TUBGCP2: variants seen among roughly 807,000 people sequenced by gnomAD.
The protein encoded by TUBGCP2 is tubulin gamma complex component 2.
In TUBGCP2, 55 loss-of-function variants were observed where a neutral mutation model predicts 92.2. The observed-to-expected ratio is 0.60, with a 90% CI of 0.48 to 0.75. The LOEUF (loss-of-function observed/expected upper bound fraction) is 0.75, where lower values mean the gene tolerates loss of function less well. Ranked by LOEUF, TUBGCP2 falls within the 30% of genes least tolerant of loss-of-function variation. TUBGCP2 has a pLI of 0.00. For synonymous variants in TUBGCP2, 533 were observed against 505.2 expected (o/e 1.06, Z -0.74); for missense variants, 1,093 against 1,188.9 (o/e 0.92, Z 1.19).
chr10:133,311,511 T>A (rs181536358), upstream of TUBGCP2: 5 of 534,436 alleles, frequency 9.4e-6, no homozygotes, highest in Admixed American at 1.8e-4. Context: ...AGATGCAGAC[T>A]CTATTATATA....
chr10:133,283,287 C>G, intron 14 of TUBGCP2, 66 bp from the exon 15 acceptor site: 1 of 1,604,546 alleles, frequency 6.2e-7, no homozygotes, highest in Non-Finnish European at 8.5e-7. Context: ...TGCATGCGCA[C>G]GTGCTCAGTT....
At chr10:133,302,711 CA>C in intron 2 of TUBGCP2, 80 bp downstream of exon 2, 1 of 1,572,522 alleles carries the variant, frequency 6.4e-7, no homozygotes, top group East Asian at 2.3e-5. Flanking sequence ...CACCCTGACC[CA>C]GGGGTGGGCT....
chr10:133,289,193 T>C (rs111695268), intron 9 of TUBGCP2, among the ~76,000 whole-genome samples, 173 bp from the exon 10 acceptor site: 53 of 152,318 alleles, frequency 3.5e-4, no homozygotes, highest in African/African-American at 1.2e-3. Context: ...GAAACTGGGC[T>C]GCATGAGGCG....
In TUBGCP2 at chr10:133,285,169, T is replaced by C. The variant is rs754169633; in HGVS notation, c.1940A>G (p.Tyr647Cys). ...RYQMLFRHMF[Y>C]CKHVERQLCS... ...GAGCTGCCGCTCCACGTGCTTGCAGTAGAACATGTGCCTGAAGAGCATCTG... is the reference window on the plus strand; with the variant it reads ...GAGCTGCCGCTCCACGTGCTTGCAGCAGAACATGTGCCTGAAGAGCATCTG... The change falls in exon 13 of 18, where the codon TAC becomes TGC. Residue 647 changes from tyrosine to cysteine, a missense_variant. By Grantham distance (194) the Tyr-to-Cys change is radical. This residue lies in a region of TUBGCP2 where 598 missense variants were observed against 675.5 expected (regional missense o/e 0.89). Coordinates refer to ENST00000252936, the MANE Select transcript of TUBGCP2 (RefSeq NM_006659.4). The surrounding 1 kb of genome is among the most constrained non-coding windows in gnomAD (Gnocchi z 6.8). 1.9e-6 allele frequency: 3 copies of C among 1,613,468 alleles called. No individual in the cohort carries two copies. The highest frequency in any genetic ancestry group is 3.3e-5 in the Admixed American group (2 of 60,028).
intron 1 of TUBGCP2, among the ~76,000 whole-genome samples, chr10:133,307,120 C>A (rs1416189961): frequency 2.0e-5 from 3 of 152,258 alleles, no homozygotes; most frequent in Admixed American, 2.0e-4. Flanking sequence ...AAACACAGCT[C>A]TGAGGAACAT....
In TUBGCP2 at chr10:133,282,523, G is replaced by T. The variant is rs1847009842; in HGVS notation, c.2290-181C>A. 2.6e-5 allele frequency among the ~76,000 whole-genome samples: 4 copies of T among 152,328 alleles called. 1 individual carries two copies. The South Asian group carries it at 8.3e-4, about 32-fold the overall frequency. On this transcript the variant is annotated intron_variant, in intron 15 of 17. Coordinates refer to ENST00000252936, the MANE Select transcript of TUBGCP2 (RefSeq NM_006659.4). ...TTATCTGTGCCGACAGAATTCCCAGGTCTACCTTCCACGGTGACCAGCTGA... is the reference window on the plus strand; with the variant it reads ...TTATCTGTGCCGACAGAATTCCCAGTTCTACCTTCCACGGTGACCAGCTGA...
chr10:133,280,319 A>AC (rs1846935362), intron 17 of TUBGCP2, among the ~76,000 whole-genome samples: 1 of 152,192 alleles, frequency 6.6e-6, no homozygotes, highest in African/African-American at 2.4e-5. Context: ...GGCTTGGAGA[A>AC]CCAAGCAGTG....
At chr10:133,283,783 T>TCCCTGCCTCTCCCCTCG (rs1248078671) in intron 14 of TUBGCP2, 99 bp downstream of exon 14, 3 of 1,465,198 alleles carry the variant, frequency 2.0e-6, no homozygotes, top group Non-Finnish European at 1.9e-6. Context: ...TCTCCTGCAC[T>TCCCTGCCTCTCCCCTCG]CCCTGCCTCT....
Position 133,288,826 on chromosome 10 carries a change from G to A in TUBGCP2, c.1541+14C>T, listed in dbSNP as rs1847200570. 3.8e-6 allele frequency: 6 copies of A among 1,596,452 alleles called. No homozygotes were observed. In the Admixed American group the frequency reaches 1.0e-4, roughly 28 times the overall value. On this transcript the variant is annotated intron_variant, in intron 10 of 17. Transcript: ENST00000252936. ...GGAGGTGAGTGCCCGCACAGGGACA[G>A]GGCACGGAATCACCTGAGGTGAGCC...
Position 133,300,165 on chromosome 10 carries a change from T to TA in TUBGCP2, c.151-53dup, listed in dbSNP as rs113322932. 1.3e-3 allele frequency: 1,998 copies of TA among 1,561,970 alleles called. 5 individuals are homozygous for TA. In the African/African-American group the frequency reaches 0.014, roughly 11 times the overall value. On this transcript the variant is annotated intron_variant, in intron 2 of 17. Transcript: ENST00000252936. Reference sequence around the variant, plus strand: ...AATGACGGTAATTAATAAAGCACTGTAAAAAAAAACCTTTACGAAAATTGA... The same window carrying TA: ...AATGACGGTAATTAATAAAGCACTGTAAAAAAAAAACCTTTACGAAAATTGA...
intron 1 of TUBGCP2, 38 bp downstream of exon 1, chr10:133,308,785 C>A: frequency 2.2e-6 from 1 of 460,232 alleles, no homozygotes; most frequent in Non-Finnish European, 3.4e-6. Context: ...CCCCCAACCC[C>A]CTCATCACGC....
chr10:133,309,313 A>G, upstream of TUBGCP2: 1 of 1,521,780 alleles, frequency 6.6e-7, no homozygotes, highest in Non-Finnish European at 8.9e-7. Flanking sequence ...GACTGGGGCC[A>G]CGGGTGTGGG....
upstream of TUBGCP2, chr10:133,310,163 G>C (rs139953339): frequency 6.2e-7 from 1 of 1,613,900 alleles, no homozygotes; most frequent in African/African-American, 1.3e-5. Context: ...CTCCATTTCA[G>C]TATCAGTGCT....
Position 133,285,756 on chromosome 10 carries a change from T to C in TUBGCP2, c.1723-128A>G, listed in dbSNP as rs1387622953. 30 of 912,892 alleles carry C rather than the reference T, an allele frequency of 3.3e-5. No homozygotes were observed. In the East Asian group the frequency reaches 6.1e-4, roughly 19 times the overall value. 56.5% of individuals were successfully genotyped at this position (912,892 alleles called of 1,614,324 possible). On this transcript the variant is annotated intron_variant, in intron 11 of 17. Transcript: ENST00000252936. This position sits in a 1 kb window ranked among gnomAD's most constrained non-coding sequence, Gnocchi z 6.8. ...GTTCCCTACATTCCGATTCTAAATA[T>C]CAGAGGCTTTTCAAAAACCCAAACA...
chr10:133,303,089 A>ACCTGGCCTG (rs1211630083), intron 1 of TUBGCP2, 109 bp from the exon 2 acceptor site: 4 of 1,029,070 alleles, frequency 3.9e-6, no homozygotes, highest in Non-Finnish European at 5.6e-6. Context: ...CCAAGTTATC[A>ACCTGGCCTG]CCTGGCCTGC....
At chr10:133,294,617 T>C (rs528299503) in intron 5 of TUBGCP2, among the ~76,000 whole-genome samples, 8 of 152,158 alleles carry the variant, frequency 5.3e-5, no homozygotes, top group African/African-American at 1.9e-4. Flanking sequence ...GTTTTTTTTT[T>C]TTCCTTTTTT....
intron 9 of TUBGCP2, 63 bp from the exon 10 acceptor site, chr10:133,289,083 T>C (rs1564937488): frequency 6.4e-7 from 1 of 1,557,040 alleles, no homozygotes. Context: ...CCAGCTGTCT[T>C]TGTCTACACA....
At chr10:133,309,572 G>T, upstream of TUBGCP2, 2 of 1,355,994 alleles carry the variant, frequency 1.5e-6, no homozygotes, top group Non-Finnish European at 2.0e-6. Context: ...CCGCCCCACC[G>T]AGGCGCTGTG....
rs1228464939 is a variant in TUBGCP2 at position 133,308,837 on chromosome 10, C to T, written c.-54G>A. ...CCAGGACTCACCGCAGTCCCGGAGC[C>T]ACAGCCCCCGCGCAGCCCCCGACGG... is the stretch of plus-strand genomic sequence containing the variant. On this transcript the variant is annotated 5_prime_UTR_variant, in exon 1 of 18. Transcript: ENST00000252936. 8 of 1,019,334 alleles carry T rather than the reference C, an allele frequency of 7.8e-6. No homozygotes were observed. In the East Asian group the frequency reaches 2.3e-4, roughly 29 times the overall value. 63.1% of individuals were successfully genotyped at this position (1,019,334 alleles called of 1,614,324 possible).
Sources: gnomAD v4.1 joint callset for allele counts (sites outside exome capture counted in the v4.1 genomes callset) on GRCh38, gnomAD v4.1.1 for gene constraint, gnomAD v4.1.1 regional missense constraint, Gnocchi (gnomAD v3.1) non-coding constraint, MANE v1.5 for transcripts, NCBI Gene and HGNC (gene_info 2026-07-23, HGNC 2026-07-21) for gene names.